The following TENM4 variants were observed in gnomAD, a reference collection of about 807,000 sequenced individuals.
TENM4 encodes the protein teneurin-4.
A neutral mutation model predicts 243.3 loss-of-function variants in TENM4; 82 were observed. The ratio of observed to expected loss-of-function variants is 0.34; its 90% CI spans 0.28 to 0.40. The LOEUF (loss-of-function observed/expected upper bound fraction) is 0.40, where lower values mean the gene tolerates loss of function less well. TENM4 is among the 10% of genes least tolerant of loss of function. The probability of loss-of-function intolerance (pLI) is 1.00; values close to 1 mark genes in which losing one functional copy is unlikely to be tolerated. For synonymous variants in TENM4, 1,412 were observed against 1,456.3 expected, an observed-to-expected ratio of 0.97 and a Z score of 0.69; for missense variants, 3,138 against 3,673.3, an observed-to-expected ratio of 0.85 and a Z score of 3.77.
rs183458164 is a variant in TENM4, at chr11:78,855,983, A to T, written c.1451T>A (p.Leu484His). 19 of 1,551,566 alleles carry T rather than the reference A, an allele frequency of 1.2e-5. No individual in the cohort carries two copies. In the Admixed American group the frequency reaches 2.9e-4, roughly 24 times the overall value. ...ALVGIYGRKG[L>H]PPSHTQFDFV... ...GGTTACCTGTGTATGTGAAGGAGGG[A>T]GGCCTTTTCTGCCATAAATGCCAAC... The change falls in exon 11 of 34, where the codon CTC becomes CAC. Residue 484 changes from leucine to histidine, a missense_variant. Leu to His is a moderately conservative substitution (Grantham distance 99). Coordinates refer to ENST00000278550, the MANE Select transcript of TENM4 (RefSeq NM_001098816.3).
chr11:79,388,798 A>G (rs1237965713), intron 1 of TENM4, among the ~76,000 whole-genome samples: 6 of 152,222 alleles, frequency 3.9e-5, no homozygotes, highest in Admixed American at 3.9e-4. Flanking sequence ...CTAAAGCATG[A>G]CAAAATACAA....
intron 3 of TENM4, 61 bp downstream of exon 3, chr11:79,215,747 C>T: frequency 2.0e-6 from 2 of 985,594 alleles, no homozygotes; most frequent in Non-Finnish European, 1.2e-6. Context: ...GATTGCATTT[C>T]TCATCAAGGC....
chr11:79,008,634 G>T (rs368600110), intron 6 of TENM4, among the ~76,000 whole-genome samples: 24 of 152,260 alleles, frequency 1.6e-4, no homozygotes, highest in African/African-American at 5.5e-4. Context: ...ATGCCATAAA[G>T]TGGTAGTACT....
intron 1 of TENM4, chr11:79,422,314 T>C (rs1200384351): frequency 2.0e-5 from 3 of 149,910 alleles, no homozygotes; most frequent in Non-Finnish European, 4.4e-5. Context: ...GCAGTCCAGC[T>C]CAGTAGAAGC....
chr11:79,123,639 C>T (rs953942238), intron 4 of TENM4, among the ~76,000 whole-genome samples: 1 of 150,412 alleles, frequency 6.6e-6, no homozygotes, highest in East Asian at 1.9e-4. Context: ...TGAGCACTCA[C>T]TGGGGGACAG....
At chr11:79,243,183 G>A (rs974577032) in intron 2 of TENM4, among the ~76,000 whole-genome samples, 6 of 151,998 alleles carry the variant, frequency 3.9e-5, no homozygotes, top group East Asian at 1.9e-4. Context: ...TTCATGACAC[G>A]GTAGGAGGCA....
intron 1 of TENM4, among the ~76,000 whole-genome samples, chr11:79,363,910 G>A (rs975649986): frequency 1.3e-5 from 2 of 152,134 alleles, no homozygotes; most frequent in African/African-American, 2.4e-5. Context: ...TGAAATGACC[G>A]TGACTTTGTT....
chr11:79,253,689 G>A (rs749538888), intron 2 of TENM4, among the ~76,000 whole-genome samples: 1 of 152,132 alleles, frequency 6.6e-6, no homozygotes, highest in African/African-American at 2.4e-5. Flanking sequence ...TGGGCAGACC[G>A]TCCAAGAGGC....
rs551482343 is a variant in TENM4, at chr11:78,993,267, G to A, written c.493+71471C>T. Among the ~76,000 whole-genome samples, 16 of 152,218 alleles carry A rather than the reference G, an allele frequency of 1.1e-4. No homozygotes were observed. The South Asian group carries it at 2.7e-3, about 26-fold the overall frequency. On this transcript the variant is annotated intron_variant, in intron 6 of 33. Transcript: ENST00000278550. Reference sequence around the variant, plus strand: ...GGAGGAAGAGGGGGCATTACTAGAAGGAGAAATTCATTTATGAAAAAGGGG... The same window carrying A: ...GGAGGAAGAGGGGGCATTACTAGAAAGAGAAATTCATTTATGAAAAAGGGG...
At chr11:79,050,776 G>C (rs1033848391) in intron 6 of TENM4, among the ~76,000 whole-genome samples, 1 of 152,178 alleles carries the variant, frequency 6.6e-6, no homozygotes, top group African/African-American at 2.4e-5. Context: ...TCGGTGTTTG[G>C]GACCAAAAGG....
chr11:78,735,503 A>G (rs1855765650), intron 20 of TENM4, among the ~76,000 whole-genome samples: 1 of 152,224 alleles, frequency 6.6e-6, no homozygotes, highest in Non-Finnish European at 1.5e-5. Flanking sequence ...TTCCCAAGGC[A>G]GTGAGCAAGC....
intron 12 of TENM4, among the ~76,000 whole-genome samples, chr11:78,827,938 G>A (rs1046950498): frequency 6.6e-6 from 1 of 152,198 alleles, no homozygotes; most frequent in Non-Finnish European, 1.5e-5. Flanking sequence ...TTATGTATAA[G>A]TATGGCTGTT....
At chr11:78,977,372 G>C (rs889057818) in intron 6 of TENM4, among the ~76,000 whole-genome samples, 2 of 152,218 alleles carry the variant, frequency 1.3e-5, no homozygotes, top group African/African-American at 4.8e-5. Context: ...TGGGTGGTGG[G>C]TCAATAGTGC....
At chr11:78,771,171 C>T in intron 17 of TENM4, 33 bp from the exon 18 acceptor site, 13 of 1,553,000 alleles carry the variant, frequency 8.4e-6, no homozygotes, top group Non-Finnish European at 1.1e-5. Context: ...GAGGTCTGAT[C>T]ACCCAGAGTC....
At chr11:79,085,960 A>G (rs1239430224) in intron 4 of TENM4, among the ~76,000 whole-genome samples, 2 of 152,176 alleles carry the variant, frequency 1.3e-5, no homozygotes, top group Non-Finnish European at 2.9e-5. Context: ...AGTCACCAAT[A>G]TTCATACAAA....
At chr11:79,123,677 T>C (rs754208637) in intron 4 of TENM4, among the ~76,000 whole-genome samples, 40 of 151,748 alleles carry the variant, frequency 2.6e-4, no homozygotes, top group Non-Finnish European at 3.8e-4. Flanking sequence ...GACTGGGCCT[T>C]GTGCAATGCA....
At chr11:79,338,478 A>T (rs1335119104) in intron 1 of TENM4, among the ~76,000 whole-genome samples, 1 of 152,198 alleles carries the variant, frequency 6.6e-6, no homozygotes, top group Non-Finnish European at 1.5e-5. Context: ...CAGCACCTCC[A>T]AGTGACCTCT....
intron 6 of TENM4, among the ~76,000 whole-genome samples, chr11:78,914,906 C>T (rs112425661): frequency 7.4e-4 from 113 of 152,336 alleles, no homozygotes; most frequent in African/African-American, 2.6e-3. Flanking sequence ...CCCAGCCTGC[C>T]GGCTCACCCG....
At chr11:78,666,642 T>G (rs972575608) in intron 32 of TENM4, among the ~76,000 whole-genome samples, 3 of 152,220 alleles carry the variant, frequency 2.0e-5, no homozygotes, top group Non-Finnish European at 4.4e-5. Context: ...CCAGCATGAT[T>G]GTAGTGGAAG....
Sources: allele counts gnomAD v4.1 joint callset (sites outside exome capture counted in the v4.1 genomes callset), GRCh38; gene constraint gnomAD v4.1.1; transcripts MANE v1.5; gene names NCBI Gene and HGNC (gene_info 2026-07-23, HGNC 2026-07-21).